Variants in EDAR observed in about 807,000 individuals in gnomAD.
EDAR encodes tumor necrosis factor receptor superfamily member EDAR.
EDAR carries 38 observed loss-of-function variants against 51.3 expected under a neutral mutation model. That is an observed-to-expected ratio of 0.74 (90% confidence interval 0.57 to 0.97). EDAR has a LOEUF of 0.97. Ranked by LOEUF, EDAR falls within the 50% of genes least tolerant of loss-of-function variation. The pLI is 0.00. For missense variants in EDAR, 528 were observed against 595.0 expected, an observed-to-expected ratio of 0.89 and a Z score of 1.17; for synonymous variants, 227 against 242.1, an observed-to-expected ratio of 0.94 and a Z score of 0.58.
At chr2:108,940,400 C>A (rs538745260) in intron 1 of EDAR, 37 of 152,498 alleles carry the variant, frequency 2.4e-4, no homozygotes, top group African/African-American at 8.4e-4. Flanking sequence ...ATGGCCGAGC[C>A]GGCCCACGTG....
intron 4 of EDAR, among the ~76,000 whole-genome samples, chr2:108,924,705 C>T (rs1225267496): frequency 6.6e-6 from 1 of 152,190 alleles, no homozygotes; most frequent in Non-Finnish European, 1.5e-5. Flanking sequence ...AGCCCTTTAT[C>T]CTCAGATCCC....
intron 5 of EDAR, among the ~76,000 whole-genome samples, chr2:108,920,528 CTT>C: frequency 6.6e-6 from 1 of 152,264 alleles, no homozygotes; most frequent in Non-Finnish European, 1.5e-5. Context: ...CTTTTCATCT[CTT>C]TTCACCGGGC....
Position 108,906,318 on chromosome 2 carries a change from T to C in EDAR, c.1014A>G (p.Gly338=), listed in dbSNP as rs1366828430. ...TTTTTTTCAGCTTACCTTCCACGAC[T>C]CCACACACGTTGGCATACACATCGA... ...KILDVYANVC[G]VVEGLSPTEL... is the part of the protein sequence containing the mutation. The change falls in exon 11 of 12, where the codon GGA becomes GGG. Residue 338 remains glycine, a synonymous_variant. Coordinates refer to ENST00000258443, the MANE Select transcript of EDAR (RefSeq NM_022336.4). 6.2e-7 allele frequency: 1 copy of C among 1,614,068 alleles called. No homozygotes were observed. Among genetic ancestry groups the C allele is most frequent in the East Asian group, 2.2e-5 (1 of 44,866 alleles).
chr2:108,948,440 C>T (rs1442015032), intron 1 of EDAR, among the ~76,000 whole-genome samples: 2 of 152,172 alleles, frequency 1.3e-5, no homozygotes, highest in Non-Finnish European at 2.9e-5. Context: ...CTACCAGTAC[C>T]AATTCTCTGT....
chr2:108,958,083 C>T (rs1038158566), intron 1 of EDAR, among the ~76,000 whole-genome samples: 14 of 152,098 alleles, frequency 9.2e-5, no homozygotes, highest in African/African-American at 3.1e-4. Context: ...TGAGCCTCAC[C>T]CTCATTATCA....
intron 1 of EDAR, among the ~76,000 whole-genome samples, chr2:108,977,190 CCT>C (rs1698337605): frequency 6.6e-6 from 1 of 152,202 alleles, no homozygotes; most frequent in Non-Finnish European, 1.5e-5. Flanking sequence ...GCCCTGCACC[CCT>C]GACCACCCCA....
At chr2:108,924,771 C>T (rs1007692448) in intron 4 of EDAR, among the ~76,000 whole-genome samples, 2 of 152,224 alleles carry the variant, frequency 1.3e-5, no homozygotes, top group Non-Finnish European at 2.9e-5. Context: ...AGAGAAGCCA[C>T]GACAGCCAGT....
chr2:108,950,642 A>G (rs918549370), intron 1 of EDAR, among the ~76,000 whole-genome samples: 33 of 152,238 alleles, frequency 2.2e-4, no homozygotes, highest in Non-Finnish European at 3.7e-4. Context: ...ACACACAGCC[A>G]TATGCTGTCC....
rs1696597682 is a variant in EDAR, at chr2:108,896,631, AT to A, written c.*275del. ...CATTGTCTCATTGTTCAGTGAGTTA[AT>A]GGTGGGCTGGTGGGCTGGCTGTATG... On this transcript the variant is annotated 3_prime_UTR_variant, in exon 12 of 12. Coordinates refer to ENST00000258443, the MANE Select transcript of EDAR (RefSeq NM_022336.4). The A allele has an allele frequency of 8.5e-6, 4 of 470,626 alleles. No homozygotes were observed. In the East Asian group the frequency reaches 1.4e-4, roughly 16 times the overall value. The allele number at this position is 470,626 out of a possible 1,614,324, so 29.2% of individuals were successfully genotyped here. A position where few individuals can be genotyped will look rare whatever the true frequency, so the allele number is the denominator to read the frequency against.
At chr2:108,958,074 G>C (rs1697959460) in intron 1 of EDAR, among the ~76,000 whole-genome samples, 1 of 152,088 alleles carries the variant, frequency 6.6e-6, no homozygotes, top group South Asian at 2.1e-4. Context: ...CCATGCCCGT[G>C]AGCCTCACCC....
At chr2:108,931,172 C>T (rs1326948466) in intron 1 of EDAR, 140 bp from the exon 2 acceptor site, 1 of 752,328 alleles carries the variant, frequency 1.3e-6, no homozygotes, top group Non-Finnish European at 2.3e-6. Context: ...GAAAAGCAGA[C>T]ATGAAGCTGA....
intron 1 of EDAR, among the ~76,000 whole-genome samples, chr2:108,939,263 C>T (rs12474900): frequency 0.68 from 103,306 of 151,932 alleles, 37,749 homozygotes; most frequent in Non-Finnish European, 0.82. Context: ...CTGCAACCTC[C>T]GCAACCTCCG....
At chr2:108,925,463 G>A (rs1269083529) in intron 4 of EDAR, among the ~76,000 whole-genome samples, 1 of 152,204 alleles carries the variant, frequency 6.6e-6, no homozygotes, top group Non-Finnish European at 1.5e-5. Flanking sequence ...GCATGGGGAG[G>A]GTGGTGGCTC....
intron 5 of EDAR, among the ~76,000 whole-genome samples, chr2:108,916,342 G>T (rs984672144): frequency 6.6e-6 from 1 of 152,164 alleles, no homozygotes; most frequent in Non-Finnish European, 1.5e-5. Context: ...CAGGTGACAG[G>T]GTTGGGGATG....
intron 1 of EDAR, among the ~76,000 whole-genome samples, chr2:108,965,452 G>A (rs577610795): frequency 7.8e-6 from 1 of 128,178 alleles, no homozygotes; most frequent in Non-Finnish European, 1.6e-5. Context: ...GAGACAGAGC[G>A]AGATTTCGTC....
intron 1 of EDAR, among the ~76,000 whole-genome samples, chr2:108,978,381 TC>T (rs1698364369): frequency 6.6e-6 from 1 of 152,150 alleles, no homozygotes; most frequent in Admixed American, 6.5e-5. Flanking sequence ...TACAAAAAGC[TC>T]AGTAAAAAAA....
chr2:108,944,937 G>C (rs155219), intron 1 of EDAR, among the ~76,000 whole-genome samples: 43,711 of 152,052 alleles, frequency 0.29, 9,964 homozygotes, highest in East Asian at 0.94. Context: ...AGAAGGCCTA[G>C]GGTGTCCCTG....
intron 1 of EDAR, among the ~76,000 whole-genome samples, chr2:108,947,587 C>G (rs1191263536): frequency 6.6e-6 from 1 of 152,160 alleles, no homozygotes; most frequent in African/African-American, 2.4e-5. Context: ...TCTTCTGCAC[C>G]CCCGCAGTCC....
Position 108,959,160 on chromosome 2 carries a change from G to A in EDAR, c.-18-28128C>T, listed in dbSNP as rs191331404. Among the ~76,000 whole-genome samples, 177 of 152,348 alleles carry A rather than the reference G, an allele frequency of 1.2e-3. 1 individual carries two copies. The highest frequency in any genetic ancestry group is 4.2e-3 in the African/African-American group (175 of 41,580). On this transcript the variant is annotated intron_variant, in intron 1 of 11. Coordinates refer to ENST00000258443, the MANE Select transcript of EDAR (RefSeq NM_022336.4). ...GAATCGTGACTAATGGAGTGTATAT[G>A]GGGCATGCTGGTGGCAGGTGGCCCG...
Sources: allele counts gnomAD v4.1 joint callset (sites outside exome capture counted in the v4.1 genomes callset), GRCh38; gene constraint gnomAD v4.1.1; transcripts MANE v1.5; gene names NCBI Gene and HGNC (gene_info 2026-07-23, HGNC 2026-07-21).